Variants in PIKFYVE observed in about 807,000 individuals in gnomAD.
PIKFYVE encodes phosphoinositide kinase, FYVE-type zinc finger containing, also known as 1-phosphatidylinositol 3-phosphate 5-kinase.
Under a neutral mutation model 257.9 loss-of-function variants are expected in PIKFYVE, and 122 were observed. The ratio of observed to expected loss-of-function variants is 0.47; its 90% CI spans 0.41 to 0.55. The LOEUF (loss-of-function observed/expected upper bound fraction) is 0.55. PIKFYVE is among the 20% of genes least tolerant of loss of function. PIKFYVE has a pLI of 0.00. For missense variants in PIKFYVE, 2,160 were observed against 2,536.6 expected, an observed-to-expected ratio of 0.85 and a Z score of 3.19; for synonymous variants, 892 against 868.9, an observed-to-expected ratio of 1.03 and a Z score of -0.47.
intron 10 of PIKFYVE, chr2:208,302,687 T>A (rs1693842216): frequency 3.0e-6 from 1 of 329,648 alleles, no homozygotes; most frequent in Admixed American, 4.3e-5. Context: ...GGTTTTTGGT[T>A]TTATTAGGCC....
chr2:208,277,906 TAGAGTA>T (rs1397094047), intron 5 of PIKFYVE, among the ~76,000 whole-genome samples, 198 bp downstream of exon 5: 8 of 151,398 alleles, frequency 5.3e-5, no homozygotes, highest in African/African-American at 2.0e-4. Flanking sequence ...CATAAATAAC[TAGAGTA>T]AAAGTGTATT....
At chr2:208,284,276 T>C (rs1270829629) in intron 5 of PIKFYVE, among the ~76,000 whole-genome samples, 2 of 151,926 alleles carry the variant, frequency 1.3e-5, no homozygotes, top group Admixed American at 6.6e-5. Flanking sequence ...TTTTTTTTTT[T>C]TCCCAGACAG....
At chr2:208,311,890 A>G (rs1032914192) in intron 12 of PIKFYVE, among the ~76,000 whole-genome samples, 1 of 152,236 alleles carries the variant, frequency 6.6e-6, no homozygotes, top group African/African-American at 2.4e-5. Flanking sequence ...AAAGAACTGT[A>G]ATCTTTTAGG....
At chr2:208,322,332 C>T (rs1325923588) in intron 17 of PIKFYVE, among the ~76,000 whole-genome samples, 2 of 144,750 alleles carry the variant, frequency 1.4e-5, no homozygotes, top group Non-Finnish European at 3.0e-5. Flanking sequence ...ATGACGGCAC[C>T]TCTGCACTCC....
chr2:208,342,446 C>A, intron 31 of PIKFYVE, 108 bp from the exon 32 acceptor site: 1 of 795,622 alleles, frequency 1.3e-6, no homozygotes. Flanking sequence ...AAATCTTTTT[C>A]TTTCCTAATG....
Position 208,354,554 on chromosome 2 carries a change from C to T in PIKFYVE, c.6107-17C>T. ...TAACATAGCTTTATTGCTAATTTCACTCCTTCTACCCCCCAGATTATATTC... is the reference window on the plus strand; with the variant it reads ...TAACATAGCTTTATTGCTAATTTCATTCCTTCTACCCCCCAGATTATATTC... On this transcript the variant is annotated splice_polypyrimidine_tract_variant and intron_variant, in intron 40 of 41. Coordinates refer to ENST00000264380, the MANE Select transcript of PIKFYVE (RefSeq NM_015040.4). 3 of 1,594,428 alleles carry T rather than the reference C, an allele frequency of 1.9e-6. No individual in the cohort carries two copies. Among genetic ancestry groups the T allele is most frequent in the Admixed American group, 3.3e-5 (2 of 59,988 alleles).
At position 208,340,592 on chromosome 2, in the gene PIKFYVE, G is replaced by A. The variant is rs189681145; in HGVS notation, c.4931+461G>A. ...TCAAATTTGGAAAGAATATAGGCTG[G>A]CTGTGAAAGTTTATTTTTCTTCCAC... On this transcript the variant is annotated intron_variant, in intron 31 of 41. Coordinates refer to ENST00000264380, the MANE Select transcript of PIKFYVE (RefSeq NM_015040.4). Among the ~76,000 whole-genome samples, 29 of 152,210 alleles carry A rather than the reference G, an allele frequency of 1.9e-4. No homozygotes were observed. In the South Asian group the frequency reaches 2.1e-3, roughly 11 times the overall value.
At chr2:208,278,124 G>A (rs1458049877) in intron 5 of PIKFYVE, among the ~76,000 whole-genome samples, 1 of 152,160 alleles carries the variant, frequency 6.6e-6, no homozygotes, top group Non-Finnish European at 1.5e-5. Context: ...TCAAATTTCA[G>A]CAGTACAGAA....
At chr2:208,346,296 C>G (rs1418951965) in intron 34 of PIKFYVE, 149 bp downstream of exon 34, 2 of 732,676 alleles carry the variant, frequency 2.7e-6, no homozygotes, top group Non-Finnish European at 4.7e-6. Context: ...TTTTGTATGC[C>G]CTCTTTATAC....
intron 8 of PIKFYVE, 38 bp downstream of exon 8, chr2:208,298,817 A>T: frequency 6.2e-7 from 1 of 1,611,814 alleles, no homozygotes; most frequent in Non-Finnish European, 8.5e-7. Flanking sequence ...GCTAGTTTTG[A>T]GCATAGAGAA....
Position 208,356,848 on chromosome 2 carries a change from A to T in PIKFYVE, c.*1543A>T, listed in dbSNP as rs573695899. 2 of 152,772 alleles carry T rather than the reference A, an allele frequency of 1.3e-5. No homozygotes were observed. Among genetic ancestry groups the T allele is most frequent in the African/African-American group, 4.8e-5 (2 of 41,582 alleles). The allele number at this position is 152,772 out of a possible 1,614,324, so 9.5% of individuals were successfully genotyped here. ...GGATTTATAAAGTTGTAAGGATTTC[A>T]CTGTTTTTGGACTGCCTATAATAAT... On this transcript the variant is annotated 3_prime_UTR_variant, in exon 42 of 42. Coordinates refer to ENST00000264380, the MANE Select transcript of PIKFYVE (RefSeq NM_015040.4).
At chr2:208,346,012 T>TCCCCC in intron 33 of PIKFYVE, 38 bp from the exon 34 acceptor site, 1 of 1,514,762 alleles carries the variant, frequency 6.6e-7, no homozygotes, top group Non-Finnish European at 9.2e-7. Context: ...TTGACTTGTA[T>TCCCCC]AAAACTAAAT....
Position 208,285,763 on chromosome 2 carries a change from C to CT in PIKFYVE, c.653dup (p.Leu218PhefsTer10), listed in dbSNP as rs757877344. On this transcript the variant is annotated frameshift_variant, in exon 6 of 42. Coordinates refer to ENST00000264380, the MANE Select transcript of PIKFYVE (RefSeq NM_015040.4). LOFTEE classifies it high-confidence loss of function. ...CTTGCACATATTGTAGAAAAATAGC[C>CT]TTAAGTTATGCTCATTCCACAGACA... 6.8e-6 allele frequency: 11 copies of CT among 1,613,796 alleles called. No individual in the cohort carries two copies. Among genetic ancestry groups the CT allele is most frequent in the African/African-American group, 2.7e-5 (2 of 74,892 alleles).
At chr2:208,276,935 C>A in intron 4 of PIKFYVE, 105 bp downstream of exon 4, 2 of 852,960 alleles carry the variant, frequency 2.3e-6, no homozygotes, top group South Asian at 3.2e-5. Flanking sequence ...TTAATTAGCG[C>A]TTCCTCCAGC....
intron 1 of PIKFYVE, among the ~76,000 whole-genome samples, chr2:208,267,850 C>T (rs576402144): frequency 3.4e-4 from 51 of 151,288 alleles, no homozygotes; most frequent in Non-Finnish European, 5.6e-4. Context: ...GTGATCTCGG[C>T]TTACTGCAGT....
At chr2:208,288,639 G>T (rs915329379) in intron 6 of PIKFYVE, 90 bp from the exon 7 acceptor site, 3 of 1,555,226 alleles carry the variant, frequency 1.9e-6, no homozygotes, top group Non-Finnish European at 2.6e-6. Context: ...CAAGGAAAAA[G>T]ATTAAATCTG....
rs756377483 is a variant in PIKFYVE at position 208,325,011 on chromosome 2, A to G, written c.2432A>G (p.Tyr811Cys). The change falls in exon 19 of 42, where the codon TAT becomes TGT. Residue 811 changes from tyrosine to cysteine, a missense_variant. By Grantham distance (194) the Tyr-to-Cys change is radical (BLOSUM62 -2). Transcript: ENST00000264380. ...CACCTGGGCACTTGTCACAAATTTT[A>G]TATGCAGATATTTCAGTTGCCTAAT... Reference protein sequence around the residue: ...KPHLGTCHKFYMQIFQLPNEQ... With the variant: ...KPHLGTCHKFCMQIFQLPNEQ... 4 of 1,614,010 alleles carry G rather than the reference A, an allele frequency of 2.5e-6. No individual in the cohort carries two copies. The Admixed American group carries it at 5.0e-5, about 20-fold the overall frequency.
intron 2 of PIKFYVE, 121 bp downstream of exon 2, chr2:208,271,812 T>G: frequency 1.0e-6 from 1 of 967,152 alleles, no homozygotes; most frequent in Non-Finnish European, 1.5e-6. Flanking sequence ...TAATGCTGGG[T>G]CTGTAAGAAA....
At chr2:208,335,991 TTTG>T in intron 26 of PIKFYVE, 52 bp from the exon 27 acceptor site, 1 of 1,606,064 alleles carries the variant, frequency 6.2e-7, no homozygotes, top group African/African-American at 1.3e-5. Flanking sequence ...AGCAGTTTCT[TTTG>T]GGGTATGTCT....
Sources: allele counts gnomAD v4.1 joint callset (sites outside exome capture counted in the v4.1 genomes callset), GRCh38; gene constraint gnomAD v4.1.1; transcripts MANE v1.5; gene names NCBI Gene and HGNC (gene_info 2026-07-23, HGNC 2026-07-21).